The following TUSC3 variants were observed in gnomAD, a reference collection of about 807,000 sequenced individuals.
TUSC3 encodes dolichyl-diphosphooligosaccharide--protein glycosyltransferase subunit TUSC3.
In TUSC3, 45 loss-of-function variants were observed where a neutral mutation model predicts 44.8. That is an observed-to-expected ratio of 1.00 (90% CI 0.79 to 1.29). The LOEUF is 1.29. Ranked by LOEUF, TUSC3 falls within the 50% of genes most tolerant of loss-of-function variation. TUSC3 has a pLI of 0.00. For missense variants in TUSC3, 519 were observed against 437.9 expected, an observed-to-expected ratio of 1.19 and a Z score of -1.65; for synonymous variants, 212 against 152.9, an observed-to-expected ratio of 1.39 and a Z score of -2.85.
intron 2 of TUSC3, among the ~76,000 whole-genome samples, chr8:15,625,773 A>T (rs1237672868): frequency 2.0e-5 from 3 of 152,248 alleles, no homozygotes; most frequent in African/African-American, 4.8e-5. Context: ...TCTAAGAAGC[A>T]TCTTATCACA....
intron 2 of TUSC3, among the ~76,000 whole-genome samples, chr8:15,497,349 T>G (rs1024439322): frequency 6.6e-6 from 1 of 152,108 alleles, no homozygotes; most frequent in Admixed American, 6.5e-5. Context: ...AAGCTTAGGG[T>G]ACCCAAATCT....
intron 1 of TUSC3, among the ~76,000 whole-genome samples, chr8:15,619,549 T>C (rs768957458): frequency 2.0e-5 from 3 of 152,094 alleles, no homozygotes; most frequent in Non-Finnish European, 4.4e-5. Context: ...TGGAGTGCAG[T>C]GGCACGATCT....
chr8:15,762,426 C>T (rs1004544378), intron 10 of TUSC3, among the ~76,000 whole-genome samples: 2 of 151,818 alleles, frequency 1.3e-5, no homozygotes, highest in South Asian at 2.1e-4. Context: ...CTAAAGATAA[C>T]ATTAATAAAG....
At chr8:15,622,703 C>T (rs1373747732) in intron 1 of TUSC3, among the ~76,000 whole-genome samples, 2 of 151,990 alleles carry the variant, frequency 1.3e-5, no homozygotes, top group African/African-American at 4.8e-5. Context: ...TTTTGTTTTC[C>T]TTTTGCTGTG....
intron 2 of TUSC3, among the ~76,000 whole-genome samples, chr8:15,529,947 G>GCCACGGCGCCC (rs528852746): frequency 3.9e-5 from 1 of 25,638 alleles, no homozygotes; most frequent in African/African-American, 1.0e-4. Context: ...ACAGGCGCCC[G>GCCACGGCGCCC]GCTAATTTTT....
intron 1 of TUSC3, among the ~76,000 whole-genome samples, chr8:15,587,723 C>T (rs1428148860): frequency 3.3e-5 from 5 of 152,082 alleles, no homozygotes; most frequent in East Asian, 1.9e-4. Context: ...CTATCCTCTC[C>T]TTCCCCCTAC....
At chr8:15,440,127 A>G (rs528744503) in intron 1 of TUSC3, among the ~76,000 whole-genome samples, 2 of 152,308 alleles carry the variant, frequency 1.3e-5, no homozygotes, top group East Asian at 1.9e-4. Context: ...GAACATTTCT[A>G]TGATTTTGGG....
intron 2 of TUSC3, among the ~76,000 whole-genome samples, chr8:15,488,763 G>C (rs551755991): frequency 6.6e-6 from 1 of 152,254 alleles, no homozygotes; most frequent in African/African-American, 2.4e-5. Flanking sequence ...AGCCAGGAAG[G>C]GGTCCTTACC....
chr8:15,696,470 A>G (rs190373934), intron 6 of TUSC3, among the ~76,000 whole-genome samples: 1 of 152,290 alleles, frequency 6.6e-6, no homozygotes, highest in African/African-American at 2.4e-5. Flanking sequence ...CTGCTAGAGC[A>G]CTGTGGAAGG....
At chr8:15,553,306 AT>A (rs1007237954) in intron 1 of TUSC3, among the ~76,000 whole-genome samples, 5 of 151,756 alleles carry the variant, frequency 3.3e-5, no homozygotes, top group Non-Finnish European at 5.9e-5. Flanking sequence ...ACAGTAAAAA[AT>A]AGAGGACCTG....
At position 15,696,526 on chromosome 8, in the gene TUSC3, C is replaced by T. The variant is rs561061546; in HGVS notation, c.798+22690C>T. On this transcript the variant is annotated intron_variant, in intron 6 of 10. Coordinates refer to ENST00000503731, the MANE Select transcript of TUSC3 (RefSeq NM_006765.4). ...TCACACAGAGTCCCTGCTGGGACAC[C>T]GCCTCGTAGAGATGTGAGAAGAGGG... 1.4e-4 allele frequency among the ~76,000 whole-genome samples: 21 copies of T among 152,216 alleles called. No individual in the cohort carries two copies. The South Asian group carries it at 2.1e-3, about 15-fold the overall frequency.
chr8:15,649,102 TGTTA>T (rs1445999513), intron 2 of TUSC3, among the ~76,000 whole-genome samples: 1 of 152,200 alleles, frequency 6.6e-6, no homozygotes, highest in African/African-American at 2.4e-5. Flanking sequence ...TTTATAAGTA[TGTTA>T]GTTACAGTTA....
chr8:15,469,076 A>C (rs370181482), intron 1 of TUSC3, among the ~76,000 whole-genome samples: 215 of 152,294 alleles, frequency 1.4e-3, no homozygotes, highest in African/African-American at 5.0e-3. Flanking sequence ...CTGGTAATAA[A>C]ATTCCCTGGA....
intron 1 of TUSC3, among the ~76,000 whole-genome samples, chr8:15,468,868 T>A (rs1030615647): frequency 6.6e-6 from 1 of 151,472 alleles, no homozygotes; most frequent in Non-Finnish European, 1.5e-5. Flanking sequence ...ATATTTTCCA[T>A]GAGACTCTAA....
At chr8:15,429,619 C>G (rs1049728036) in intron 1 of TUSC3, among the ~76,000 whole-genome samples, 8 of 151,346 alleles carry the variant, frequency 5.3e-5, no homozygotes, top group African/African-American at 2.0e-4. Context: ...ATGGACTGTT[C>G]TTCCATTTGT....
At chr8:15,616,406 C>T (rs1017728789) in intron 1 of TUSC3, among the ~76,000 whole-genome samples, 2 of 151,956 alleles carry the variant, frequency 1.3e-5, no homozygotes, top group Admixed American at 1.3e-4. Flanking sequence ...GGCAAAACTC[C>T]GTTTTTACTA....
intron 6 of TUSC3, among the ~76,000 whole-genome samples, chr8:15,706,524 T>C (rs188419928): frequency 2.4e-4 from 37 of 152,138 alleles, no homozygotes; most frequent in African/African-American, 6.7e-4. Flanking sequence ...AGTCATAATA[T>C]GAATACTTAA....
intron 2 of TUSC3, among the ~76,000 whole-genome samples, chr8:15,520,408 T>C (rs1801282115): frequency 6.6e-6 from 1 of 152,186 alleles, no homozygotes; most frequent in African/African-American, 2.4e-5. Flanking sequence ...CATTTGTAAA[T>C]GGGATAATTT....
chr8:15,459,205 A>G (rs1303005809), intron 1 of TUSC3, among the ~76,000 whole-genome samples: 3 of 152,192 alleles, frequency 2.0e-5, no homozygotes, highest in Non-Finnish European at 4.4e-5. Context: ...GCATTAAACT[A>G]TCAACAAATT....
Sources: allele counts gnomAD v4.1 joint callset (sites outside exome capture counted in the v4.1 genomes callset), GRCh38; gene constraint gnomAD v4.1.1; transcripts MANE v1.5; gene names NCBI Gene and HGNC (gene_info 2026-07-23, HGNC 2026-07-21).